The following CD180 variants were observed in gnomAD, a reference collection of about 807,000 sequenced individuals.
The protein encoded by CD180 is CD180 molecule.
In CD180, 11 loss-of-function variants were observed where a neutral mutation model predicts 10.7. The ratio of observed to expected loss-of-function variants is 1.03; its 90% CI spans 0.65 to 1.70. CD180 has a LOEUF of 1.70. Among genes scored for constraint, CD180 ranks in the 40% most tolerant of loss-of-function variants. The probability of loss-of-function intolerance (pLI) is 0.00; values close to 1 mark genes in which losing one functional copy is unlikely to be tolerated. For missense variants in CD180, 729 were observed against 775.2 expected (o/e 0.94, Z 0.71); for synonymous variants, 286 against 294.6 (o/e 0.97, Z 0.30).
chr5:67,181,185 T>C lies in CD180; in HGVS notation c.*1672A>G, dbSNP rs535457412. The C allele has an allele frequency of 1.1e-4, 16 of 151,888 alleles. No homozygotes were observed. The highest frequency in any genetic ancestry group is 2.4e-4 in the Non-Finnish European group (16 of 67,978). The allele number at this position is 151,888 out of a possible 1,614,324, so 9.4% of individuals were successfully genotyped here. On this transcript the variant is annotated 3_prime_UTR_variant, in exon 3 of 3. Coordinates refer to ENST00000256447, the MANE Select transcript of CD180 (RefSeq NM_005582.3). ...GACAAGAGAAACTAATTAAAACAAATGAAGAAGTTAATTCCAAACACTGAT... is the reference window on the plus strand; with the variant it reads ...GACAAGAGAAACTAATTAAAACAAACGAAGAAGTTAATTCCAAACACTGAT...
At chr5:67,194,544 A>C (rs964026983) in intron 1 of CD180, among the ~76,000 whole-genome samples, 3 of 152,254 alleles carry the variant, frequency 2.0e-5, no homozygotes, top group Non-Finnish European at 4.4e-5. Flanking sequence ...TACCCTGCCC[A>C]CCAAACTATC....
chr5:67,186,877 A>ATGTGT (rs1561235932), intron 1 of CD180, among the ~76,000 whole-genome samples: 101 of 112,766 alleles, frequency 9.0e-4, no homozygotes, highest in African/African-American at 3.3e-3. Context: ...TGTGTGTGAA[A>ATGTGT]GAGAGAGAGA....
chr5:67,182,038 G>T lies in CD180; in HGVS notation c.*819C>A, dbSNP rs1269205077. 2 of 152,202 alleles carry T rather than the reference G, an allele frequency of 1.3e-5. No individual in the cohort carries two copies. Among genetic ancestry groups the T allele is most frequent in the African/African-American group, 4.8e-5 (2 of 41,440 alleles). 9.4% of individuals were successfully genotyped at this position (152,202 alleles called of 1,614,324 possible). ...TTCTAAGAACCGGATGCCCAAATGA[G>T]AAGAGCATTTTGGGTCACAGCCCAC... On this transcript the variant is annotated 3_prime_UTR_variant, in exon 3 of 3. Transcript: ENST00000256447.
At chr5:67,186,844 C>T (rs1306880433) in intron 1 of CD180, among the ~76,000 whole-genome samples, 1 of 112,490 alleles carries the variant, frequency 8.9e-6, no homozygotes, top group African/African-American at 5.5e-5. Context: ...TGACTTTGTT[C>T]TATCTGTGTG....
chr5:67,191,249 A>G (rs1444586335), intron 1 of CD180, among the ~76,000 whole-genome samples: 1 of 152,166 alleles, frequency 6.6e-6, no homozygotes, highest in Non-Finnish European at 1.5e-5. Context: ...CTCAACCACC[A>G]AGCTGTGTTC....
intron 2 of CD180, 140 bp from the exon 3 acceptor site, chr5:67,184,725 C>T: frequency 2.8e-6 from 2 of 705,998 alleles, no homozygotes; most frequent in Non-Finnish European, 4.5e-6. Context: ...AACAGATGGC[C>T]TATTGAAGGA....
chr5:67,182,944 G>C lies in CD180; in HGVS notation c.1899C>G (p.Phe633Leu). The C allele has an allele frequency of 6.2e-7, 1 of 1,614,016 alleles. No individual in the cohort carries two copies. Among genetic ancestry groups the C allele is most frequent in the South Asian group, 1.1e-5 (1 of 91,068 alleles). The change falls in exon 3 of 3, where the codon TTC (phenylalanine) becomes TTG (leucine). Residue 633 changes from phenylalanine (F) to leucine (L), a missense_variant. Phe to Leu is a conservative substitution (Grantham distance 22, BLOSUM62 0). Transcript: ENST00000256447. The stretch of plus-strand genomic sequence containing the variant: ...ACAATAATAGAAATACTATGAGAAA[G>C]AAAATGCCTATGGCTGTAATCCCAC... ...LSCGITAIGI[F>L]FLIVFLLLLA...
chr5:67,187,762 C>T (rs1307746045), intron 1 of CD180, among the ~76,000 whole-genome samples: 1 of 152,136 alleles, frequency 6.6e-6, no homozygotes, highest in Non-Finnish European at 1.5e-5. Context: ...ATATGTCCTC[C>T]AAAGTTCATG....
chr5:67,185,814 T>C (rs1742181121), intron 2 of CD180, 37 bp downstream of exon 2: 2 of 1,476,672 alleles, frequency 1.4e-6, no homozygotes, highest in Non-Finnish European at 9.1e-7. Context: ...TTAACTTAAA[T>C]AAAATAAAAG....
In CD180 at chr5:67,182,401, C is replaced by G. The variant is rs985873286; in HGVS notation, c.*456G>C. 1 of 153,592 alleles carries G rather than the reference C, an allele frequency of 6.5e-6. No individual in the cohort carries two copies. The highest frequency in any genetic ancestry group is 2.4e-5 in the African/African-American group (1 of 41,470). 9.5% of individuals were successfully genotyped at this position (153,592 alleles called of 1,614,324 possible). ...GGCTACATTACTGAGAACCCAGACC[C>G]AAGCACAATGCTGTAGTGGGGGTGG... On this transcript the variant is annotated 3_prime_UTR_variant, in exon 3 of 3. Coordinates refer to ENST00000256447, the MANE Select transcript of CD180 (RefSeq NM_005582.3).
chr5:67,185,470 GA>G (rs1290247558), intron 2 of CD180, among the ~76,000 whole-genome samples: 1 of 152,110 alleles, frequency 6.6e-6, no homozygotes, highest in Non-Finnish European at 1.5e-5. Context: ...TTGTAGGGGG[GA>G]AAAGTAGATG....
intron 2 of CD180, among the ~76,000 whole-genome samples, chr5:67,185,079 C>A (rs1324106460): frequency 1.3e-5 from 2 of 151,870 alleles, no homozygotes; most frequent in African/African-American, 2.4e-5. Context: ...CACACACACA[C>A]ACACACACAC....
At chr5:67,190,893 C>G in intron 1 of CD180, 1 of 981,994 alleles carries the variant, frequency 1.0e-6, no homozygotes, top group Non-Finnish European at 1.2e-6. Flanking sequence ...GAAACATTTT[C>G]TAATTTGGAA....
At chr5:67,185,741 TA>T in intron 2 of CD180, 109 bp downstream of exon 2, 1 of 686,526 alleles carries the variant, frequency 1.5e-6, no homozygotes, top group Non-Finnish European at 2.3e-6. Flanking sequence ...ACATGTAGTA[TA>T]AGCAGATTGT....
Position 67,184,130 on chromosome 5 carries a change from A to G in CD180, c.713T>C (p.Ile238Thr), listed in dbSNP as rs757027029. 9 of 1,614,200 alleles carry G rather than the reference A, an allele frequency of 5.6e-6. No individual in the cohort carries two copies. The highest frequency in any genetic ancestry group is 5.1e-6 in the Non-Finnish European group (6 of 1,180,026). Residue 238 changes from isoleucine to threonine, a missense_variant, in exon 3 of 3, where the codon ATA becomes ACA. Ile to Thr is a moderately conservative substitution (Grantham distance 89). Coordinates refer to ENST00000256447, the MANE Select transcript of CD180 (RefSeq NM_005582.3). ...AGTAGAGTTCTGCAGACCATTGAAT[A>G]TAACAGACAAATTTGGAGTTCCTCC... The part of the protein sequence containing the change: ...NFGGTPNLSV[I>T]FNGLQNSTTQ...
Position 67,184,585 on chromosome 5 carries a change from C to T in CD180, c.258G>A (p.Arg86=). 1 of 1,575,676 alleles carries T rather than the reference C, an allele frequency of 6.3e-7. No individual in the cohort carries two copies. The highest frequency in any genetic ancestry group is 8.7e-7 in the Non-Finnish European group (1 of 1,154,946). The stretch of plus-strand genomic sequence containing the variant: ...CTTCATGTATCCAGTTAATCTGGCA[C>T]CTTGAAAAGATAATCGTATTTAACA... ...LMNLTFLDLT[R]CQINWIHEDT... The change falls in exon 3 of 3, where the codon AGG becomes AGA. Residue 86 remains arginine (R), a splice_region_variant and synonymous_variant. Coordinates refer to ENST00000256447, the MANE Select transcript of CD180 (RefSeq NM_005582.3).
At position 67,180,299 on chromosome 5, in the gene CD180, A is replaced by G. The variant is rs190283125; in HGVS notation, c.*2558T>C. On this transcript the variant is annotated 3_prime_UTR_variant, in exon 3 of 3. Coordinates refer to ENST00000256447, the MANE Select transcript of CD180 (RefSeq NM_005582.3). Reference sequence around the variant, plus strand: ...TTCGTTTTTCCAAGTTACATATTAAATATTATGGAGGGCAGTATGTCTATG... The same window carrying G: ...TTCGTTTTTCCAAGTTACATATTAAGTATTATGGAGGGCAGTATGTCTATG... The G allele has an allele frequency of 6.6e-6, 1 of 152,352 alleles. No individual in the cohort carries two copies. Among genetic ancestry groups the G allele is most frequent in the East Asian group, 1.9e-4 (1 of 5,194 alleles). The allele number at this position is 152,352 out of a possible 1,614,324, so 9.4% of individuals were successfully genotyped here. A position where few individuals can be genotyped will look rare whatever the true frequency, so the allele number is the denominator to read the frequency against.
At chr5:67,196,421 T>G in intron 1 of CD180, 131 bp downstream of exon 1, 1 of 758,532 alleles carries the variant, frequency 1.3e-6, no homozygotes, top group Non-Finnish European at 2.1e-6. Flanking sequence ...AATGAAAAAA[T>G]TATATATACA....
chr5:67,185,989 T>G lies in CD180; in HGVS notation c.119A>C (p.Glu40Ala), dbSNP rs751653685. 4.4e-6 allele frequency: 7 copies of G among 1,602,312 alleles called. No homozygotes were observed. The highest frequency in any genetic ancestry group is 6.0e-6 in the Non-Finnish European group (7 of 1,174,844). Residue 40 changes from glutamate (E) to alanine (A), a missense_variant, in exon 2 of 3, where the codon GAA becomes GCA. Transcript: ENST00000256447. ...EKEANKTYNC[E>A]NLGLSEIPDT... ...AGGGATTTCACTGAGACCTAAATTT[T>G]CACAGTTATATGTTTTGTTGGCTTC... is the stretch of plus-strand genomic sequence containing the variant.
Sources: gnomAD v4.1 joint callset for allele counts (sites outside exome capture counted in the v4.1 genomes callset) on GRCh38, gnomAD v4.1.1 for gene constraint, MANE v1.5 for transcripts, NCBI Gene and HGNC (gene_info 2026-07-23, HGNC 2026-07-21) for gene names.